The following DACH1 variants were observed in gnomAD, a reference collection of about 807,000 sequenced individuals.
The protein encoded by DACH1 is dachshund homolog 1.
DACH1 carries 12 observed loss-of-function variants against 54.2 expected under a neutral mutation model. The observed-to-expected ratio is 0.22, with a 90% CI of 0.14 to 0.36. The LOEUF is 0.36. Among genes scored for constraint, DACH1 ranks in the 10% least tolerant of loss-of-function variants. The pLI, the probability that DACH1 is intolerant of heterozygous loss-of-function variation, is 1.00. For synonymous variants in DACH1, 386 were observed against 366.2 expected, an observed-to-expected ratio of 1.05 and a Z score of -0.62; for missense variants, 805 against 929.8, an observed-to-expected ratio of 0.87 and a Z score of 1.75.
intron 10 of DACH1, among the ~76,000 whole-genome samples, chr13:71,465,258 C>A (rs1014653100): frequency 3.3e-5 from 5 of 151,816 alleles, no homozygotes; most frequent in Admixed American, 3.3e-4. Flanking sequence ...ATTTGTATAC[C>A]AATTTTTTAT....
chr13:71,843,671 A>G (rs1319164300), intron 1 of DACH1, among the ~76,000 whole-genome samples: 3 of 152,186 alleles, frequency 2.0e-5, no homozygotes, highest in Admixed American at 2.0e-4. Context: ...TGAAGTTTAC[A>G]ATTCTTCAAG....
intron 2 of DACH1, among the ~76,000 whole-genome samples, chr13:71,666,846 G>C (rs1879871656): frequency 6.6e-6 from 1 of 152,084 alleles, no homozygotes; most frequent in Non-Finnish European, 1.5e-5. Context: ...GCTGGGTGTG[G>C]TGGTGTGTGC....
intron 2 of DACH1, among the ~76,000 whole-genome samples, chr13:71,659,383 G>C (rs1045028870): frequency 1.3e-5 from 2 of 152,154 alleles, no homozygotes; most frequent in East Asian, 3.9e-4. Flanking sequence ...AGAGCTGTTA[G>C]TGGTAAGTAA....
intron 1 of DACH1, among the ~76,000 whole-genome samples, chr13:71,834,691 G>A (rs919619049): frequency 5.6e-5 from 8 of 144,024 alleles, no homozygotes; most frequent in African/African-American, 2.3e-4. Flanking sequence ...ACATTTAAGT[G>A]GCATCTGATG....
intron 1 of DACH1, among the ~76,000 whole-genome samples, chr13:71,797,408 G>A (rs1887101229): frequency 6.6e-6 from 1 of 152,068 alleles, no homozygotes; most frequent in Admixed American, 6.6e-5. Flanking sequence ...ATACCCTTAA[G>A]ATAATTCTAG....
intron 1 of DACH1, among the ~76,000 whole-genome samples, chr13:71,828,373 C>CT (rs1391229633): frequency 1.3e-5 from 2 of 151,924 alleles, no homozygotes; most frequent in African/African-American, 2.4e-5. Context: ...TGTTCCTGAC[C>CT]TTAAGTGAGT....
rs868630748 is a variant in DACH1 at position 71,585,265 on chromosome 13, T to C, written c.1127-12253A>G. 5.3e-5 allele frequency among the ~76,000 whole-genome samples: 8 copies of C among 152,278 alleles called. 1 individual carries two copies. The highest frequency in any genetic ancestry group is 3.4e-3 in the Middle Eastern group (1 of 294). On this transcript the variant is annotated intron_variant, in intron 3 of 10. Transcript: ENST00000613252. ...AATTATGGAAGGATGAAAAAGAATT[T>C]TCTCATGTGCATGTGTGTATTTGAG... is the stretch of plus-strand genomic sequence containing the variant.
At chr13:71,534,758 C>T (rs1882648392) in intron 6 of DACH1, among the ~76,000 whole-genome samples, 1 of 151,676 alleles carries the variant, frequency 6.6e-6, no homozygotes. Context: ...CATTGTCATA[C>T]AATATCATAA....
chr13:71,729,972 T>G (rs1216222820), intron 1 of DACH1, among the ~76,000 whole-genome samples: 2 of 152,046 alleles, frequency 1.3e-5, no homozygotes, highest in African/African-American at 4.8e-5. Flanking sequence ...AAAATCATCT[T>G]AACAAGTTAT....
At chr13:71,504,794 T>G (rs991066486) in intron 6 of DACH1, among the ~76,000 whole-genome samples, 2 of 152,214 alleles carry the variant, frequency 1.3e-5, no homozygotes, top group Non-Finnish European at 2.9e-5. Flanking sequence ...CCATTATTAC[T>G]ACTTGATATT....
At chr13:71,848,019 C>T (rs1022692496) in intron 1 of DACH1, among the ~76,000 whole-genome samples, 6 of 151,996 alleles carry the variant, frequency 3.9e-5, no homozygotes, top group African/African-American at 1.2e-4. Flanking sequence ...TGCTGGGAGA[C>T]GCTTGGTACA....
intron 6 of DACH1, among the ~76,000 whole-genome samples, chr13:71,535,795 A>G (rs986217582): frequency 1.3e-5 from 2 of 152,042 alleles, no homozygotes; most frequent in African/African-American, 4.8e-5. Flanking sequence ...TTGAAGATTC[A>G]ATAAGCTATC....
chr13:71,452,826 G>A (rs1353701513), intron 10 of DACH1, among the ~76,000 whole-genome samples: 1 of 152,186 alleles, frequency 6.6e-6, no homozygotes, highest in African/African-American at 2.4e-5. Context: ...TACTGAGTTA[G>A]GACTGCATAT....
At chr13:71,859,489 AC>A (rs1024244481) in intron 1 of DACH1, among the ~76,000 whole-genome samples, 30 of 151,814 alleles carry the variant, frequency 2.0e-4, no homozygotes, top group African/African-American at 6.8e-4. Flanking sequence ...AATTTGAAAA[AC>A]AATGACCTTT....
At chr13:71,790,993 C>A (rs1167250935) in intron 1 of DACH1, among the ~76,000 whole-genome samples, 1 of 152,154 alleles carries the variant, frequency 6.6e-6, no homozygotes, top group Non-Finnish European at 1.5e-5. Flanking sequence ...ATTATTAGGT[C>A]TTCAAATGAT....
chr13:71,840,552 A>T (rs1320122526), intron 1 of DACH1, among the ~76,000 whole-genome samples: 1 of 151,624 alleles, frequency 6.6e-6, no homozygotes, highest in Non-Finnish European at 1.5e-5. Flanking sequence ...GAAAAATAAC[A>T]TTTTTTTTCA....
At chr13:71,592,204 T>C (rs1873758537) in intron 3 of DACH1, among the ~76,000 whole-genome samples, 1 of 152,048 alleles carries the variant, frequency 6.6e-6, no homozygotes, top group African/African-American at 2.4e-5. Flanking sequence ...AGAAGTACTT[T>C]GAAAATTTTA....
At chr13:71,778,263 G>A (rs1045376372) in intron 1 of DACH1, among the ~76,000 whole-genome samples, 9 of 152,072 alleles carry the variant, frequency 5.9e-5, no homozygotes, top group African/African-American at 2.2e-4. Context: ...TTCAGAATCA[G>A]TAGTAGAAGC....
intron 3 of DACH1, among the ~76,000 whole-genome samples, chr13:71,591,972 T>A (rs1318421524): frequency 6.6e-6 from 1 of 152,208 alleles, no homozygotes; most frequent in East Asian, 1.9e-4. Flanking sequence ...TTCTCTAGAG[T>A]TAATTTTACC....
Sources: gnomAD v4.1 joint callset for allele counts (sites outside exome capture counted in the v4.1 genomes callset) on GRCh38, gnomAD v4.1.1 for gene constraint, MANE v1.5 for transcripts, NCBI Gene and HGNC (gene_info 2026-07-23, HGNC 2026-07-21) for gene names.